CMC2: variants seen among roughly 807,000 people sequenced by gnomAD.
CMC2 encodes COX assembly mitochondrial protein 2 homolog.
A neutral mutation model predicts 7.5 loss-of-function variants in CMC2; 5 were observed. The observed-to-expected ratio is 0.66, with a 90% confidence interval of 0.35 to 1.40. CMC2 has a LOEUF of 1.40. CMC2 is among the 40% of genes most tolerant of loss of function. CMC2 has a pLI of 0.04. For synonymous variants in CMC2, 37 were observed against 31.4 expected, an observed-to-expected ratio of 1.18 and a Z score of -0.60; for missense variants, 115 against 92.3, an observed-to-expected ratio of 1.25 and a Z score of -1.01.
At chr16:80,989,819 A>G (rs1967832182) in intron 2 of CMC2, among the ~76,000 whole-genome samples, 2 of 152,236 alleles carry the variant, frequency 1.3e-5, no homozygotes, top group African/African-American at 4.8e-5. Flanking sequence ...GACAGTAAGA[A>G]ACCTGTCTCT....
chr16:80,996,930 C>A (rs1032629477), intron 2 of CMC2: 2 of 397,110 alleles, frequency 5.0e-6, no homozygotes, highest in African/African-American at 2.1e-5. Flanking sequence ...TACCATTAAA[C>A]ACAGAATGGT....
At chr16:80,992,020 T>G in intron 2 of CMC2, 1 of 439,586 alleles carries the variant, frequency 2.3e-6, no homozygotes, top group Admixed American at 2.6e-5. Context: ...AGCATGGACT[T>G]TAAATAACGA....
In CMC2 at chr16:80,973,032, C is replaced by T. The variant is rs1912038573; in HGVS notation, c.*3061G>A. ...GGAATTCAAAATATTTGGAAATCCT[C>T]AGGAAAAAGTGCGCTTGCTCTAGAC... On this transcript the variant is annotated 3_prime_UTR_variant, in exon 4 of 4. Transcript: ENST00000219400. The T allele has an allele frequency of 6.6e-6, 1 of 152,282 alleles. No individual in the cohort carries two copies. Among genetic ancestry groups the T allele is most frequent in the Non-Finnish European group, 1.5e-5 (1 of 68,094 alleles). The allele number at this position is 152,282 out of a possible 1,614,324, so 9.4% of individuals were successfully genotyped here.
intron 3 of CMC2, among the ~76,000 whole-genome samples, chr16:80,979,809 G>C (rs1297261293): frequency 6.6e-6 from 1 of 150,930 alleles, no homozygotes; most frequent in Non-Finnish European, 1.5e-5. Context: ...TTTCAGTAGA[G>C]CTGGGTTTCA....
rs926346296 is a variant in CMC2, at chr16:80,980,083, T to C, written c.153+1723A>G. Among the ~76,000 whole-genome samples the C allele has an allele frequency of 9.9e-5, 15 of 152,196 alleles. 1 individual carries two copies. The highest frequency in any genetic ancestry group is 2.9e-4 in the African/African-American group (12 of 41,520). ...ACAGGTCTGTGCCACCACACTTGGCTAAATTTTAAGAGATTTCTTTGAGAC... is the reference window on the plus strand; with the variant it reads ...ACAGGTCTGTGCCACCACACTTGGCCAAATTTTAAGAGATTTCTTTGAGAC... On this transcript the variant is annotated intron_variant, in intron 3 of 3. Coordinates refer to ENST00000219400, the MANE Select transcript of CMC2 (RefSeq NM_020188.5).
chr16:80,984,614 GAATA>G (rs779116754), intron 2 of CMC2, among the ~76,000 whole-genome samples: 2 of 151,910 alleles, frequency 1.3e-5, no homozygotes, highest in Non-Finnish European at 1.5e-5. Context: ...CATTCCCAAA[GAATA>G]AATATTTCCT....
intron 2 of CMC2, chr16:80,988,442 T>C (rs150426491): frequency 8.5e-4 from 556 of 652,830 alleles, no homozygotes; most frequent in Middle Eastern, 4.0e-3. Context: ...TTAAAAACAT[T>C]TGTCAATTTC....
chr16:80,971,898 C>T lies in CMC2; in HGVS notation c.*4195G>A, dbSNP rs1911956427. On this transcript the variant is annotated 3_prime_UTR_variant, in exon 4 of 4. Transcript: ENST00000219400. ...CCTTTACAGGATTTGGGCAATCTTC[C>T]CTTTTGCTCACTTCAGACGTGGTAT... The T allele has an allele frequency of 1.3e-5, 2 of 152,130 alleles. No individual in the cohort carries two copies. Among genetic ancestry groups the T allele is most frequent in the African/African-American group, 2.4e-5 (1 of 41,414 alleles). 9.4% of individuals were successfully genotyped at this position (152,130 alleles called of 1,614,324 possible).
At chr16:80,987,126 G>A (rs897993555) in intron 2 of CMC2, among the ~76,000 whole-genome samples, 1 of 152,154 alleles carries the variant, frequency 6.6e-6, no homozygotes, top group Non-Finnish European at 1.5e-5. Context: ...AAAGTTTTGG[G>A]ACCCTAGTGA....
At chr16:80,976,262 C>T in intron 3 of CMC2, 83 bp from the exon 4 acceptor site, 1 of 717,544 alleles carries the variant, frequency 1.4e-6, no homozygotes, top group Non-Finnish European at 2.3e-6. Context: ...GAAATATTTG[C>T]AAAATATAAA....
intron 1 of CMC2, among the ~76,000 whole-genome samples, chr16:81,004,971 A>G (rs1969148218): frequency 6.6e-6 from 1 of 152,222 alleles, no homozygotes; most frequent in Non-Finnish European, 1.5e-5. Context: ...TTTTCTTTAG[A>G]AAGATTTTCC....
At position 80,968,748 on chromosome 16, in the gene CMC2, A is replaced by C. The variant is rs1052167946; in HGVS notation, c.*7345T>G. On this transcript the variant is annotated 3_prime_UTR_variant, in exon 4 of 4. Transcript: ENST00000219400. ...TTAAAGGTGTAGTTGAGCTCACAAG[A>C]AAGGAAAGAAAATCCTTGGGGGTTG... is the stretch of plus-strand genomic sequence containing the variant. 6.6e-6 allele frequency: 1 copy of C among 152,240 alleles called. No homozygotes were observed. Among genetic ancestry groups the C allele is most frequent in the African/African-American group, 2.4e-5 (1 of 41,456 alleles). The allele number at this position is 152,240 out of a possible 1,614,324, so 9.4% of individuals were successfully genotyped here.
chr16:80,999,232 T>A (rs2194319), intron 1 of CMC2, among the ~76,000 whole-genome samples: 1 of 151,986 alleles, frequency 6.6e-6, no homozygotes, highest in Non-Finnish European at 1.5e-5. Flanking sequence ...GGATACAAGA[T>A]CAACATAGAA....
chr16:80,986,176 C>G (rs1433707587), intron 2 of CMC2, among the ~76,000 whole-genome samples: 2 of 152,104 alleles, frequency 1.3e-5, no homozygotes, highest in Admixed American at 6.5e-5. Context: ...TGGTGAAACC[C>G]CATCTCTACT....
At chr16:80,979,839 C>T (rs975549437) in intron 3 of CMC2, among the ~76,000 whole-genome samples, 4 of 152,072 alleles carry the variant, frequency 2.6e-5, no homozygotes, top group Non-Finnish European at 5.9e-5. Context: ...CTAGGCTGGT[C>T]TCAAACTCCT....
chr16:80,979,102 G>C (rs1966905793), intron 3 of CMC2, among the ~76,000 whole-genome samples: 1 of 151,832 alleles, frequency 6.6e-6, no homozygotes. Flanking sequence ...AAATAAAAAA[G>C]CTTCATGGAA....
intron 1 of CMC2, among the ~76,000 whole-genome samples, chr16:81,006,184 T>C (rs1597293475): frequency 6.6e-6 from 1 of 151,928 alleles, no homozygotes; most frequent in Non-Finnish European, 1.5e-5. Context: ...ATGTATTACT[T>C]TCCTGGAAAA....
chr16:80,990,256 T>C (rs2549844), intron 2 of CMC2, among the ~76,000 whole-genome samples: 98,926 of 151,928 alleles, frequency 0.65, 33,969 homozygotes, highest in South Asian at 0.8. Context: ...CTGCAACCTC[T>C]GTCTCCCAGG....
intron 2 of CMC2, 57 bp from the exon 3 acceptor site, chr16:80,981,934 C>T: frequency 1.8e-6 from 2 of 1,134,522 alleles, no homozygotes; most frequent in South Asian, 2.7e-5. Context: ...AGGTTTGGGG[C>T]ACATAAAATT....
Sources: allele counts gnomAD v4.1 joint callset (sites outside exome capture counted in the v4.1 genomes callset), GRCh38; gene constraint gnomAD v4.1.1; transcripts MANE v1.5; gene names NCBI Gene and HGNC (gene_info 2026-07-23, HGNC 2026-07-21).